Variants in FREM2 observed in about 807,000 individuals in gnomAD.
FREM2 encodes the protein FRAS1-related extracellular matrix protein 2.
In FREM2, 119 loss-of-function variants were observed where a neutral mutation model predicts 219.9. That is an observed-to-expected ratio of 0.54 (90% confidence interval 0.47 to 0.63). The LOEUF is 0.63. Ranked by LOEUF, FREM2 falls within the 30% of genes least tolerant of loss-of-function variation. FREM2 has a pLI of 0.00. For synonymous variants in FREM2, 1,562 were observed against 1,522.8 expected (o/e 1.03, Z -0.60); for missense variants, 4,030 against 3,993.6 (o/e 1.01, Z -0.25).
chr13:38,757,350 G>A (rs367641920), intron 2 of FREM2, among the ~76,000 whole-genome samples: 2 of 152,222 alleles, frequency 1.3e-5, no homozygotes, highest in African/African-American at 4.8e-5. Context: ...TAATCTGGCC[G>A]TTGCTTGTCT....
chr13:38,848,659 C>G lies in FREM2; in HGVS notation c.6368C>G (p.Ser2123Cys), dbSNP rs1247909277. Reference sequence around the variant, plus strand: ...AAAGCCACAGTGTCCATAAATGACTCTGTCTCCGATTGTGAGTGTTTATTA... The same window carrying G: ...AAAGCCACAGTGTCCATAAATGACTGTGTCTCCGATTGTGAGTGTTTATTA... ...PSKATVSIND[S>C]VSDLPKMQFK... Residue 2123 changes from serine to cysteine, a missense_variant, in exon 8 of 24, where the codon TCT becomes TGT. By Grantham distance (112) the Ser-to-Cys change is moderately radical. Around this residue, in one of 2 missense-constraint regions of FREM2, gnomAD observed 3,102 missense variants for 2,950.7 expected, o/e 1.05. Coordinates refer to ENST00000280481, the MANE Select transcript of FREM2 (RefSeq NM_207361.6). The G allele has an allele frequency of 6.2e-7, 1 of 1,612,618 alleles. No homozygotes were observed. The highest frequency in any genetic ancestry group is 1.1e-5 in the South Asian group (1 of 91,046).
intron 6 of FREM2, among the ~76,000 whole-genome samples, chr13:38,834,657 A>G (rs182935413): frequency 4.6e-5 from 7 of 152,306 alleles, no homozygotes; most frequent in Non-Finnish European, 7.4e-5. Context: ...CTGGCATGAA[A>G]TGGTGTTCAT....
At chr13:38,867,358 T>C (rs974259706) in intron 16 of FREM2, among the ~76,000 whole-genome samples, 3 of 152,272 alleles carry the variant, frequency 2.0e-5, no homozygotes, top group Non-Finnish European at 4.4e-5. Context: ...ATCAATATCA[T>C]AGTGATGACC....
At chr13:38,758,958 A>C (rs1316849318) in intron 2 of FREM2, among the ~76,000 whole-genome samples, 1 of 152,212 alleles carries the variant, frequency 6.6e-6, no homozygotes, top group African/African-American at 2.4e-5. Context: ...ACTTGAGCCC[A>C]GGAGTTTGAG....
intron 2 of FREM2, among the ~76,000 whole-genome samples, chr13:38,718,128 C>G (rs1871085128): frequency 6.6e-6 from 1 of 152,180 alleles, no homozygotes; most frequent in South Asian, 2.1e-4. Context: ...TTTGACGTTT[C>G]ATAGCATGTT....
intron 11 of FREM2, among the ~76,000 whole-genome samples, chr13:38,853,499 A>G (rs939615268): frequency 3.3e-5 from 5 of 152,156 alleles, no homozygotes; most frequent in African/African-American, 1.2e-4. Flanking sequence ...TTAGTTCTTG[A>G]TGATCTTAGC....
intron 11 of FREM2, among the ~76,000 whole-genome samples, chr13:38,852,539 A>G (rs1426608579): frequency 6.6e-6 from 1 of 152,096 alleles, no homozygotes; most frequent in Non-Finnish European, 1.5e-5. Context: ...TAGTTTAGAG[A>G]ACACCAGCAA....
chr13:38,693,936 C>T (rs1019684069), intron 1 of FREM2, among the ~76,000 whole-genome samples: 16 of 152,096 alleles, frequency 1.1e-4, no homozygotes, highest in African/African-American at 2.2e-4. Context: ...CTGAGGCTAG[C>T]GATGCCATGC....
At chr13:38,745,635 C>T (rs1872448438) in intron 2 of FREM2, among the ~76,000 whole-genome samples, 1 of 152,158 alleles carries the variant, frequency 6.6e-6, no homozygotes, top group Non-Finnish European at 1.5e-5. Flanking sequence ...TCAGGGATCA[C>T]CATAGATTTT....
chr13:38,878,976 A>G lies in FREM2; in HGVS notation c.9005A>G (p.Gln3002Arg), dbSNP rs1426967766. 1 of 1,614,170 alleles carries G rather than the reference A, an allele frequency of 6.2e-7. No homozygotes were observed. Among genetic ancestry groups the G allele is most frequent in the Non-Finnish European group, 8.5e-7 (1 of 1,179,992 alleles). The part of the protein sequence containing the change: ...GFKVDSTPLF[Q>R]VALGREWYIH... ...AAAGTCGACTCAACACCACTCTTTC[A>G]GGTAGGCCAAAAACAAGCTCATTTG... is the stretch of plus-strand genomic sequence containing the variant. The change falls in exon 23 of 24, where the codon CAG becomes CGG. Residue 3002 changes from glutamine to arginine, a missense_variant and splice_region_variant. By Grantham distance (43) the Gln-to-Arg change is conservative. Coordinates refer to ENST00000280481, the MANE Select transcript of FREM2 (RefSeq NM_207361.6).
At position 38,874,514 on chromosome 13, in the gene FREM2, G is replaced by A. The variant is rs769292139; in HGVS notation, c.8209G>A (p.Asp2737Asn). The change falls in exon 18 of 24, where the codon GAT becomes AAT. Residue 2737 changes from aspartate to asparagine, a missense_variant. Physicochemically the swap from Asp to Asn is conservative, Grantham distance 23 (BLOSUM62 1). Around this residue, in one of 2 missense-constraint regions of FREM2, gnomAD observed 928 missense variants for 1,042.9 expected, o/e 0.89. Coordinates refer to ENST00000280481, the MANE Select transcript of FREM2 (RefSeq NM_207361.6). ...CTATCCAACCAGCATGCGCATCGGT[G>A]ATGAGGGGCGCTTGGCCGTGCACTT... ...SLYPTSMRIG[D>N]EGRLAVHFKT... The A allele has an allele frequency of 6.2e-7, 1 of 1,614,136 alleles. No individual in the cohort carries two copies. The highest frequency in any genetic ancestry group is 1.1e-5 in the South Asian group (1 of 91,086).
intron 6 of FREM2, among the ~76,000 whole-genome samples, chr13:38,801,219 A>T (rs567687947): frequency 2.6e-4 from 40 of 152,250 alleles, no homozygotes; most frequent in Middle Eastern, 3.4e-3. Context: ...TCTTTGGTAA[A>T]ATTATCATTT....
intron 12 of FREM2, 51 bp from the exon 13 acceptor site, chr13:38,857,824 A>T (rs375463534): frequency 6.7e-7 from 1 of 1,497,104 alleles, no homozygotes; most frequent in Admixed American, 1.7e-5. Context: ...TGGTAGAAGC[A>T]TCAAAAGTTT....
intron 6 of FREM2, among the ~76,000 whole-genome samples, chr13:38,840,389 T>C (rs551817083): frequency 6.6e-6 from 1 of 150,764 alleles, no homozygotes; most frequent in East Asian, 2.0e-4. Context: ...AGACCAGAGC[T>C]GTTCCTATTC....
intron 15 of FREM2, among the ~76,000 whole-genome samples, chr13:38,862,405 G>C (rs1309998553): frequency 6.6e-6 from 1 of 152,196 alleles, no homozygotes; most frequent in East Asian, 1.9e-4. Context: ...TCCATGTGGA[G>C]GTGTGACTTG....
rs1258567864 is a variant in FREM2, at chr13:38,691,837, C to T, written c.4493C>T (p.Ala1498Val). The T allele has an allele frequency of 6.2e-7, 1 of 1,614,128 alleles. No individual in the cohort carries two copies. The highest frequency in any genetic ancestry group is 1.7e-5 in the Admixed American group (1 of 60,026). Reference sequence around the variant, plus strand: ...AACAAAATCTACTACATCCACACAGCTGATGATGAAGTGAAAATGGACAGT... The same window carrying T: ...AACAAAATCTACTACATCCACACAGTTGATGATGAAGTGAAAATGGACAGT... Reference protein sequence around the residue: ...AGNKIYYIHTADDEVKMDSFE... With the variant: ...AGNKIYYIHTVDDEVKMDSFE... Residue 1498 changes from alanine to valine, a missense_variant, in exon 1 of 24, where the codon GCT becomes GTT. Physicochemically the swap from Ala to Val is moderately conservative, Grantham distance 64. Transcript: ENST00000280481.
At chr13:38,781,589 A>G (rs1874120033) in intron 4 of FREM2, among the ~76,000 whole-genome samples, 1 of 152,124 alleles carries the variant, frequency 6.6e-6, no homozygotes, top group African/African-American at 2.4e-5. Context: ...CACCCAATCC[A>G]TATTTGATAA....
intron 16 of FREM2, among the ~76,000 whole-genome samples, chr13:38,870,385 A>G (rs941052719): frequency 2.0e-5 from 3 of 152,178 alleles, no homozygotes; most frequent in Non-Finnish European, 4.4e-5. Flanking sequence ...CCTTTGATGA[A>G]GAAACTTCAA....
rs71074484 is a variant in FREM2, at chr13:38,813,563, CTATATA to C, written c.6019+28779_6019+28784del. On this transcript the variant is annotated intron_variant, in intron 6 of 23. Transcript: ENST00000280481. Reference sequence around the variant, plus strand: ...TCTCTCTCTCTCTCTCTCTCTCTCTCTATATATATATATATATATATATATATATCC... The same window carrying C: ...TCTCTCTCTCTCTCTCTCTCTCTCTCTATATATATATATATATATATATCC... Among the ~76,000 whole-genome samples, 24 of 5,102 alleles carry C rather than the reference CTATATA, an allele frequency of 4.7e-3. 2 individuals carry two copies. Among genetic ancestry groups the C allele is most frequent in the Admixed American group, 0.033 (8 of 244 alleles). The allele number at this position is 5,102 out of a possible 152,430, so 3.3% of individuals were successfully genotyped here. A position where few individuals can be genotyped will look rare whatever the true frequency, so the allele number is the denominator to read the frequency against.
Sources: gnomAD v4.1 joint callset for allele counts (sites outside exome capture counted in the v4.1 genomes callset) on GRCh38, gnomAD v4.1.1 for gene constraint, gnomAD v4.1.1 regional missense constraint, MANE v1.5 for transcripts, NCBI Gene and HGNC (gene_info 2026-07-23, HGNC 2026-07-21) for gene names.